DACH2: variants seen among roughly 807,000 people sequenced by gnomAD.
The protein encoded by DACH2 is dachshund homolog 2.
In DACH2, 17 loss-of-function variants were observed where a neutral mutation model predicts 35.8. The observed-to-expected ratio is 0.48, with a 90% CI of 0.33 to 0.71. The LOEUF (loss-of-function observed/expected upper bound fraction) is 0.71. Ranked by LOEUF, DACH2 falls within the 30% of genes least tolerant of loss-of-function variation. The pLI, the probability that DACH2 is intolerant of heterozygous loss-of-function variation, is 0.02. For synonymous variants in DACH2, 195 were observed against 177.3 expected, an observed-to-expected ratio of 1.10 and a Z score of -0.79; for missense variants, 469 against 472.7, an observed-to-expected ratio of 0.99 and a Z score of 0.07.
At chrX:86,418,746 A>G (rs889165478) in intron 2 of DACH2, among the ~76,000 whole-genome samples, 3 of 111,818 alleles carry the variant, frequency 2.7e-5, no homozygotes, top group Non-Finnish European at 5.6e-5. Flanking sequence ...TCGGGGATTA[A>G]CATTTGGCTC....
intron 1 of DACH2, among the ~76,000 whole-genome samples, chrX:86,372,275 CT>C (rs34042859): frequency 2.7e-5 from 3 of 110,512 alleles, no homozygotes; most frequent in South Asian, 3.7e-4. Flanking sequence ...GTACATATGA[CT>C]TTTTTTTAAG....
intron 3 of DACH2, among the ~76,000 whole-genome samples, chrX:86,577,645 T>A (rs2039452001): frequency 8.9e-6 from 1 of 111,749 alleles, no homozygotes; most frequent in Non-Finnish European, 1.9e-5. Context: ...TGTATTCTAA[T>A]GAGTTGACTT....
intron 4 of DACH2, among the ~76,000 whole-genome samples, chrX:86,656,520 C>T (rs114357645): frequency 9.1e-6 from 1 of 110,028 alleles, no homozygotes; most frequent in Non-Finnish European, 1.9e-5. Context: ...GTTTAAGCTA[C>T]ATAATCTAAT....
intron 2 of DACH2, among the ~76,000 whole-genome samples, chrX:86,406,943 G>C (rs2036536612): frequency 8.9e-6 from 1 of 111,824 alleles, no homozygotes; most frequent in Non-Finnish European, 1.9e-5. Flanking sequence ...AAATGGGAGG[G>C]AAAATGCATG....
chrX:86,455,461 T>C (rs1250095320), intron 2 of DACH2, among the ~76,000 whole-genome samples: 3 of 111,820 alleles, frequency 2.7e-5, no homozygotes, highest in Non-Finnish European at 5.6e-5. Flanking sequence ...ATCAGAGCTC[T>C]GTTCATATAA....
At chrX:86,388,003 C>A (rs896094557) in intron 2 of DACH2, among the ~76,000 whole-genome samples, 1 of 112,371 alleles carries the variant, frequency 8.9e-6, no homozygotes, top group African/African-American at 3.2e-5. Flanking sequence ...TGGCTGCATT[C>A]TGATTAGTTT....
At chrX:86,757,315 T>A (rs1419419486) in intron 7 of DACH2, among the ~76,000 whole-genome samples, 4 of 111,639 alleles carry the variant, frequency 3.6e-5, no homozygotes, top group Non-Finnish European at 7.5e-5. Flanking sequence ...TCATCTGAGA[T>A]ACTGGCCTGT....
chrX:86,701,658 A>C (rs1286175147), intron 5 of DACH2, among the ~76,000 whole-genome samples: 1 of 112,118 alleles, frequency 8.9e-6, no homozygotes, highest in Non-Finnish European at 1.9e-5. Flanking sequence ...AGTGTTGTAC[A>C]TATACACCAT....
intron 3 of DACH2, among the ~76,000 whole-genome samples, chrX:86,638,562 A>G (rs1297246273): frequency 9.0e-6 from 1 of 111,480 alleles, no homozygotes; most frequent in Non-Finnish European, 1.9e-5. Flanking sequence ...ACTCAACAAC[A>G]AATAAAAAAA....
At chrX:86,174,330 T>A (rs762138788) in intron 1 of DACH2, among the ~76,000 whole-genome samples, 1 of 110,289 alleles carries the variant, frequency 9.1e-6, no homozygotes, top group Non-Finnish European at 1.9e-5. Context: ...TCTCACTATG[T>A]TGCCCAGGCT....
At chrX:86,248,116 T>C (rs1387604251) in intron 1 of DACH2, among the ~76,000 whole-genome samples, 1 of 111,444 alleles carries the variant, frequency 9.0e-6, no homozygotes, top group East Asian at 2.8e-4. Context: ...GCATTCTTCT[T>C]GAGAACTGCA....
chrX:86,635,865 C>T (rs2040259026), intron 3 of DACH2, among the ~76,000 whole-genome samples: 1 of 110,809 alleles, frequency 9.0e-6, no homozygotes, highest in African/African-American at 3.3e-5. Flanking sequence ...TGAACACTGC[C>T]CAAAGAAATC....
chrX:86,638,087 G>T (rs1354620707), intron 3 of DACH2, among the ~76,000 whole-genome samples: 1 of 111,131 alleles, frequency 9.0e-6, no homozygotes, highest in African/African-American at 3.3e-5. Context: ...GAACAGAATA[G>T]AGATCCCAGA....
intron 3 of DACH2, among the ~76,000 whole-genome samples, chrX:86,562,343 A>G (rs1002909591): frequency 9.0e-6 from 1 of 111,259 alleles, no homozygotes; most frequent in Non-Finnish European, 1.9e-5. Context: ...TTTCATTGAG[A>G]AAAGATAGCA....
At chrX:86,539,709 TC>T (rs1203082747) in intron 3 of DACH2, among the ~76,000 whole-genome samples, 2 of 111,573 alleles carry the variant, frequency 1.8e-5, no homozygotes, top group Non-Finnish European at 3.8e-5. Context: ...CACATTACTT[TC>T]TCCTTTCTGT....
intron 2 of DACH2, among the ~76,000 whole-genome samples, chrX:86,469,978 A>G (rs1389695574): frequency 5.4e-5 from 6 of 110,237 alleles, no homozygotes; most frequent in African/African-American, 2.0e-4. Context: ...AAATTTAGCA[A>G]TCTGTTTCTT....
intron 11 of DACH2, among the ~76,000 whole-genome samples, chrX:86,816,538 A>C (rs968633712): frequency 4.4e-5 from 5 of 112,372 alleles, no homozygotes; most frequent in Non-Finnish European, 9.4e-5. Flanking sequence ...TTTTGAAGGT[A>C]TTCAAGACAA....
chrX:86,369,107 G>A (rs1469159742), intron 1 of DACH2, among the ~76,000 whole-genome samples: 2 of 110,620 alleles, frequency 1.8e-5, no homozygotes, highest in African/African-American at 3.3e-5. Context: ...AAAATGCTCT[G>A]TTAACTGTAA....
chrX:86,427,821 A>T (rs930582539), intron 2 of DACH2, among the ~76,000 whole-genome samples: 1 of 112,114 alleles, frequency 8.9e-6, no homozygotes, highest in African/African-American at 3.2e-5. Flanking sequence ...GACCTAGCTG[A>T]CAGTAAAAGG....
Sources: allele counts gnomAD v4.1 joint callset (sites outside exome capture counted in the v4.1 genomes callset), GRCh38; gene constraint gnomAD v4.1.1; transcripts MANE v1.5; gene names NCBI Gene and HGNC (gene_info 2026-07-23, HGNC 2026-07-21).